Variants in ZFYVE27 observed in about 807,000 individuals in gnomAD.
ZFYVE27 encodes the protein zinc finger FYVE-type containing 27, also known as protrudin.
A neutral mutation model predicts 52.8 loss-of-function variants in ZFYVE27; 36 were observed. The ratio of observed to expected loss-of-function variants is 0.68; its 90% CI spans 0.52 to 0.90. The LOEUF is 0.90. Ranked by LOEUF, ZFYVE27 falls within the 40% of genes least tolerant of loss-of-function variation. The pLI is 0.00. For synonymous variants in ZFYVE27, 223 were observed against 215.6 expected (o/e 1.03, Z -0.30); for missense variants, 450 against 527.2 (o/e 0.85, Z 1.43).
At chr10:97,757,497 C>A in intron 11 of ZFYVE27, 145 bp from the exon 12 acceptor site, 1 of 1,233,940 alleles carries the variant, frequency 8.1e-7, no homozygotes. Flanking sequence ...AGGGGGTATT[C>A]CATTTGCTCT....
At position 97,759,671 on chromosome 10, in the gene ZFYVE27, C is replaced by G; in HGVS notation, c.*371C>G. On this transcript the variant is annotated 3_prime_UTR_variant, in exon 13 of 13. Coordinates refer to ENST00000684270, the MANE Select transcript of ZFYVE27 (RefSeq NM_001385875.1). ...AAGATCAGGGTCAGTGTGGCTGTGC[C>G]TGGGAATTCCAGACCTGAGGTTGGG... The G allele has an allele frequency of 3.0e-6, 1 of 331,268 alleles. No individual in the cohort carries two copies. Among genetic ancestry groups the G allele is most frequent in the Non-Finnish European group, 5.9e-6 (1 of 169,760 alleles). 20.5% of individuals were successfully genotyped at this position (331,268 alleles called of 1,614,324 possible). A position where few individuals can be genotyped will look rare whatever the true frequency, so the allele number is the denominator to read the frequency against.
intron 10 of ZFYVE27, chr10:97,754,832 G>T: frequency 1.6e-6 from 2 of 1,288,452 alleles, no homozygotes; most frequent in Non-Finnish European, 1.0e-6. Context: ...CAAATAATTT[G>T]TCTATTTCTA....
intron 10 of ZFYVE27, chr10:97,754,941 G>A: frequency 1.6e-6 from 1 of 614,514 alleles, no homozygotes; most frequent in Non-Finnish European, 2.0e-6. Context: ...TGGAAATGGT[G>A]GAGCTGTGAC....
chr10:97,757,605 G>C, intron 11 of ZFYVE27, 37 bp from the exon 12 acceptor site: 1 of 1,607,316 alleles, frequency 6.2e-7, no homozygotes, highest in Non-Finnish European at 8.5e-7. Context: ...GGTACCTGAG[G>C]GTGAGGGACA....
At chr10:97,748,085 A>G (rs1054499821) in intron 4 of ZFYVE27, among the ~76,000 whole-genome samples, 184 bp from the exon 5 acceptor site, 13 of 152,198 alleles carry the variant, frequency 8.5e-5, no homozygotes, top group African/African-American at 3.1e-4. Flanking sequence ...GGGGACTGAA[A>G]TGTAGCTGGG....
chr10:97,744,786 T>A lies in ZFYVE27; in HGVS notation c.326T>A (p.Leu109His). Residue 109 changes from leucine (L) to histidine (H), a missense_variant, in exon 4 of 13, where the codon CTT becomes CAT. Physicochemically the swap from Leu to His is moderately conservative, Grantham distance 99 (BLOSUM62 -3). Transcript: ENST00000684270. ...MISVPALLGYLQEVCRARLPD... is the reference protein window; with the variant it reads ...MISVPALLGYHQEVCRARLPD... ...TCAGTGCCCGCCCTGCTGGGCTACC[T>A]TCAGGAGGTTTGCCGGGCACGGCTG... 1 of 1,614,086 alleles carries A rather than the reference T, an allele frequency of 6.2e-7. No individual in the cohort carries two copies. The highest frequency in any genetic ancestry group is 8.5e-7 in the Non-Finnish European group (1 of 1,180,040).
intron 10 of ZFYVE27, among the ~76,000 whole-genome samples, chr10:97,756,606 C>T (rs2048395687): frequency 6.6e-6 from 1 of 152,214 alleles, no homozygotes; most frequent in African/African-American, 2.4e-5. Flanking sequence ...TGCCGTTGCC[C>T]CTCCACTGTT....
chr10:97,752,114 A>G (rs528841191), intron 8 of ZFYVE27, among the ~76,000 whole-genome samples: 39 of 152,334 alleles, frequency 2.6e-4, no homozygotes, highest in African/African-American at 9.4e-4. Flanking sequence ...CGCAGGTCAC[A>G]TGCTGTGGCT....
At chr10:97,738,697 C>G (rs1422866364) in intron 2 of ZFYVE27, 23 bp downstream of exon 2, 4 of 1,613,652 alleles carry the variant, frequency 2.5e-6, no homozygotes, top group African/African-American at 1.3e-5. Context: ...TGGAGTTGCT[C>G]TGGTCTGCTC....
Position 97,759,436 on chromosome 10 carries a change from C to T in ZFYVE27, c.*136C>T. On this transcript the variant is annotated 3_prime_UTR_variant, in exon 13 of 13. Coordinates refer to ENST00000684270, the MANE Select transcript of ZFYVE27 (RefSeq NM_001385875.1). ...TGCTAGGTAGGCTTCCCCTTCCTTC[C>T]TCACTCTCTCCAGCTGGATTCTGGA... The T allele has an allele frequency of 1.2e-6, 1 of 862,354 alleles. No individual in the cohort carries two copies. Among genetic ancestry groups the T allele is most frequent in the Non-Finnish European group, 1.9e-6 (1 of 520,968 alleles). The allele number at this position is 862,354 out of a possible 1,614,324, so 53.4% of individuals were successfully genotyped here.
intron 11 of ZFYVE27, 79 bp from the exon 12 acceptor site, chr10:97,757,563 T>A: frequency 8.0e-6 from 12 of 1,491,858 alleles, no homozygotes; most frequent in Non-Finnish European, 1.0e-5. Context: ...TGGGATCAGC[T>A]GGTGGAAAGG....
intron 10 of ZFYVE27, among the ~76,000 whole-genome samples, chr10:97,755,205 C>G (rs116806629): frequency 0.025 from 3,814 of 152,370 alleles, 57 homozygotes; most frequent in South Asian, 0.048. Context: ...CCACTTGCTA[C>G]TTTCCCTTTT....
At chr10:97,747,305 T>C (rs939815878) in intron 4 of ZFYVE27, among the ~76,000 whole-genome samples, 1 of 152,234 alleles carries the variant, frequency 6.6e-6, no homozygotes, top group Admixed American at 6.5e-5. Flanking sequence ...GCATCCATAC[T>C]GTAAATTATC....
intron 7 of ZFYVE27, among the ~76,000 whole-genome samples, chr10:97,750,874 G>A (rs142228054): frequency 2.0e-4 from 31 of 152,002 alleles, no homozygotes; most frequent in Middle Eastern, 6.8e-3. Context: ...TTGGGTAGCT[G>A]GGACTGCAGG....
chr10:97,755,343 G>T (rs1334769286), intron 10 of ZFYVE27, among the ~76,000 whole-genome samples: 1 of 152,206 alleles, frequency 6.6e-6, no homozygotes, highest in African/African-American at 2.4e-5. Context: ...CTCCATTTCA[G>T]CGACTATAAC....
At chr10:97,745,307 G>A (rs1410651796) in intron 4 of ZFYVE27, among the ~76,000 whole-genome samples, 1 of 151,624 alleles carries the variant, frequency 6.6e-6, no homozygotes, top group African/African-American at 2.4e-5. Flanking sequence ...AGCCTCCCAA[G>A]TAGCTGGGAC....
In ZFYVE27 at chr10:97,748,103, A is replaced by C. The variant is rs367824396; in HGVS notation, c.456-166A>C. Among the ~76,000 whole-genome samples, 5 of 152,330 alleles carry C rather than the reference A, an allele frequency of 3.3e-5. No individual in the cohort carries two copies. In the East Asian group the frequency reaches 5.8e-4, roughly 18 times the overall value. On this transcript the variant is annotated intron_variant, in intron 4 of 12. Coordinates refer to ENST00000684270, the MANE Select transcript of ZFYVE27 (RefSeq NM_001385875.1). ...GACTGAAATGTAGCTGGGGTGGCTT[A>C]GCCAGGCCTGTTTCTCCCATGCTCT...
chr10:97,748,465 AG>A, intron 5 of ZFYVE27, 101 bp downstream of exon 5: 1 of 1,197,592 alleles, frequency 8.4e-7, no homozygotes, highest in East Asian at 2.5e-5. Flanking sequence ...CTCTTACCTC[AG>A]GGGAAGAGCT....
intron 3 of ZFYVE27, among the ~76,000 whole-genome samples, chr10:97,743,554 C>G (rs2044332070): frequency 6.6e-6 from 1 of 152,204 alleles, no homozygotes; most frequent in East Asian, 1.9e-4. Flanking sequence ...TGACTTCCTG[C>G]TGAGGATGCA....
Sources: gnomAD v4.1 joint callset for allele counts (sites outside exome capture counted in the v4.1 genomes callset) on GRCh38, gnomAD v4.1.1 for gene constraint, MANE v1.5 for transcripts, NCBI Gene and HGNC (gene_info 2026-07-23, HGNC 2026-07-21) for gene names.